Variants in ZNF506 observed in about 807,000 individuals in gnomAD.
The protein encoded by ZNF506 is zinc finger protein 506.
In ZNF506, 10 loss-of-function variants were observed where a neutral mutation model predicts 11.6. That is an observed-to-expected ratio of 0.86 (90% CI 0.53 to 1.46). The LOEUF (loss-of-function observed/expected upper bound fraction) is 1.46, where lower values mean the gene tolerates loss of function less well. Among genes scored for constraint, ZNF506 ranks in the 40% most tolerant of loss-of-function variants. The pLI is 0.00. For synonymous variants in ZNF506, 156 were observed against 173.3 expected (o/e 0.90, Z 0.78); for missense variants, 425 against 521.2 (o/e 0.82, Z 1.80).
chr19:19,801,640 A>G (rs2062793818), intron 3 of ZNF506, among the ~76,000 whole-genome samples: 1 of 151,570 alleles, frequency 6.6e-6, no homozygotes, highest in Admixed American at 6.6e-5. Context: ...AAAATACACA[A>G]ATTAGCCGGC....
intron 2 of ZNF506, chr19:19,806,429 G>A (rs1193581218): frequency 1.0e-5 from 2 of 195,306 alleles, no homozygotes; most frequent in Admixed American, 1.1e-4. Flanking sequence ...ACTAATTTTT[G>A]CGTTTTTAGT....
At chr19:19,805,882 A>AAAAAG (rs1409808327) in intron 3 of ZNF506, 149 bp downstream of exon 3, 95 of 676,288 alleles carry the variant, frequency 1.4e-4, no homozygotes, top group South Asian at 1.3e-4. Context: ...AATTAAAAGA[A>AAAAAG]AAAAGAAAAG....
intron 3 of ZNF506, chr19:19,799,266 G>C (rs1203185177): frequency 2.5e-6 from 1 of 404,404 alleles, no homozygotes; most frequent in African/African-American, 2.1e-5. Context: ...AATTATAGTA[G>C]GATATTTCAA....
intron 3 of ZNF506, among the ~76,000 whole-genome samples, chr19:19,804,668 G>A (rs979183105): frequency 4.6e-5 from 7 of 152,180 alleles, no homozygotes; most frequent in African/African-American, 1.7e-4. Flanking sequence ...CAATAGCAAA[G>A]ACTTGGAACC....
chr19:19,820,293 A>C (rs1199212296), intron 1 of ZNF506: 1 of 152,226 alleles, frequency 6.6e-6, no homozygotes, highest in Admixed American at 6.5e-5. Context: ...TTCTTTGGTA[A>C]ATTACTACAT....
chr19:19,796,006 C>A, intron 3 of ZNF506: 1 of 286,882 alleles, frequency 3.5e-6, no homozygotes, highest in South Asian at 3.9e-5. Flanking sequence ...ATTGCGGGCC[C>A]GGTGTGGTAG....
intron 1 of ZNF506, among the ~76,000 whole-genome samples, chr19:19,814,436 A>ATAATAATAATAATAATAG (rs754283632): frequency 5.1e-4 from 77 of 149,526 alleles, no homozygotes; most frequent in African/African-American, 1.7e-3. Context: ...AATAATAATA[A>ATAATAATAATAATAATAG]TGCAGAAACA....
In ZNF506 at chr19:19,793,508, A is replaced by G. The variant is rs976527186; in HGVS notation, c.*1044T>C. Among the ~76,000 whole-genome samples the G allele has an allele frequency of 2.0e-5, 3 of 152,192 alleles. No individual in the cohort carries two copies. Among genetic ancestry groups the G allele is most frequent in the African/African-American group, 7.2e-5 (3 of 41,454 alleles). On this transcript the variant is annotated 3_prime_UTR_variant, in exon 4 of 4. Transcript: ENST00000540806. ...TGCTTCAGGTTTTCCTCTAGTACAC[A>G]ATGTGTGCAACAAGATCTGTGATAC...
At chr19:19,800,404 A>ATT in intron 3 of ZNF506, among the ~76,000 whole-genome samples, 1 of 146,648 alleles carries the variant, frequency 6.8e-6, no homozygotes, top group African/African-American at 2.5e-5. Flanking sequence ...ATATATATAT[A>ATT]TATATATATT....
At chr19:19,800,391 AATAT>A (rs3062863) in intron 3 of ZNF506, among the ~76,000 whole-genome samples, 34,246 of 139,004 alleles carry the variant, frequency 0.25, 4,654 homozygotes, top group African/African-American at 0.34. Context: ...AACTAAACAG[AATAT>A]ATATATATAT....
In ZNF506 at chr19:19,813,383, C is replaced by T. The variant is rs1273260477; in HGVS notation, c.4-6315G>A. 2.0e-5 allele frequency among the ~76,000 whole-genome samples: 3 copies of T among 152,196 alleles called. No homozygotes were observed. In the South Asian group the frequency reaches 6.2e-4, roughly 32 times the overall value. On this transcript the variant is annotated intron_variant, in intron 1 of 3. Coordinates refer to ENST00000540806, the MANE Select transcript of ZNF506 (RefSeq NM_001099269.3). ...AACTATATTTCAATTAAAACTTTTA[C>T]ACTTTCAAAAGTGTAAATAATATTA...
At chr19:19,819,992 G>A (rs2062956945) in intron 1 of ZNF506, among the ~76,000 whole-genome samples, 1 of 151,984 alleles carries the variant, frequency 6.6e-6, no homozygotes. Flanking sequence ...AGCTACTCAG[G>A]AGGCTGAGGC....
chr19:19,819,988 T>C (rs978642619), intron 1 of ZNF506, among the ~76,000 whole-genome samples: 3 of 151,656 alleles, frequency 2.0e-5, no homozygotes, highest in African/African-American at 7.3e-5. Flanking sequence ...TCCCAGCTAC[T>C]CAGGAGGCTG....
chr19:19,808,830 C>T (rs1019442465), intron 1 of ZNF506, among the ~76,000 whole-genome samples: 7 of 117,942 alleles, frequency 5.9e-5, no homozygotes, highest in Admixed American at 1.1e-4. Flanking sequence ...GGTGACACAG[C>T]GAGACTCTGT....
chr19:19,818,199 A>G (rs769318941), intron 1 of ZNF506, among the ~76,000 whole-genome samples: 1 of 152,310 alleles, frequency 6.6e-6, no homozygotes, highest in South Asian at 2.1e-4. Flanking sequence ...GTATTATTTT[A>G]TTATTTATAT....
intron 1 of ZNF506, among the ~76,000 whole-genome samples, chr19:19,808,359 G>A (rs1233106643): frequency 1.3e-5 from 2 of 148,934 alleles, no homozygotes; most frequent in Admixed American, 1.3e-4. Flanking sequence ...TCCTGACCTC[G>A]TGATCCGCCC....
At chr19:19,810,379 A>G (rs2062874479) in intron 1 of ZNF506, among the ~76,000 whole-genome samples, 1 of 152,198 alleles carries the variant, frequency 6.6e-6, no homozygotes, top group African/African-American at 2.4e-5. Flanking sequence ...CAACATGTAC[A>G]CATTTACTAA....
rs897543285 is a variant in ZNF506, at chr19:19,821,684, C to A, written c.-81G>T. 7.3e-5 allele frequency: 115 copies of A among 1,565,006 alleles called. No individual in the cohort carries two copies. The highest frequency in any genetic ancestry group is 9.6e-5 in the Non-Finnish European group (109 of 1,136,122). On this transcript the variant is annotated 5_prime_UTR_variant, in exon 1 of 4. The change creates a new upstream start codon in the 5' untranslated region. Transcript: ENST00000540806. ...GGTCACAGGGCCACAGAGGCTGGGC[C>A]TCTAGGAGCTGACGGCACAGAGCAG...
chr19:19,800,783 C>G (rs1288603454), intron 3 of ZNF506, among the ~76,000 whole-genome samples: 3 of 151,946 alleles, frequency 2.0e-5, no homozygotes, highest in Non-Finnish European at 4.4e-5. Context: ...TGTGTTTCCC[C>G]CACACAAAAA....
Sources: allele counts gnomAD v4.1 joint callset (sites outside exome capture counted in the v4.1 genomes callset), GRCh38; gene constraint gnomAD v4.1.1; transcripts MANE v1.5; gene names NCBI Gene and HGNC (gene_info 2026-07-23, HGNC 2026-07-21).